The following EPB41L2 variants were observed in gnomAD, a reference collection of about 807,000 sequenced individuals.
EPB41L2 encodes the protein erythrocyte membrane protein band 4.1 like 2.
In EPB41L2, 43 loss-of-function variants were observed where a neutral mutation model predicts 113.0. That is an observed-to-expected ratio of 0.38 (90% CI 0.30 to 0.49). The LOEUF (loss-of-function observed/expected upper bound fraction) is 0.49, where lower values mean the gene tolerates loss of function less well. Among genes scored for constraint, EPB41L2 ranks in the 20% least tolerant of loss-of-function variants. The pLI is 0.95. For synonymous variants in EPB41L2, 442 were observed against 436.7 expected (o/e 1.01, Z -0.15); for missense variants, 1,147 against 1,223.4 (o/e 0.94, Z 0.93).
chr6:130,899,486 A>C lies in EPB41L2; in HGVS notation c.1236+5T>G. The C allele has an allele frequency of 6.2e-7, 1 of 1,612,102 alleles. No homozygotes were observed. Among genetic ancestry groups the C allele is most frequent in the Non-Finnish European group, 8.5e-7 (1 of 1,178,190 alleles). On this transcript the variant is annotated splice_donor_5th_base_variant and intron_variant, in intron 8 of 19. Transcript: ENST00000337057. ...TGATGCTACTCCCCGTTACATTTACAGTACCTTGGCATGATGTAGGTCAAC... is the reference window on the plus strand; with the variant it reads ...TGATGCTACTCCCCGTTACATTTACCGTACCTTGGCATGATGTAGGTCAAC...
chr6:130,976,444 T>G (rs1778227750), intron 1 of EPB41L2, among the ~76,000 whole-genome samples: 1 of 152,168 alleles, frequency 6.6e-6, no homozygotes, highest in South Asian at 2.1e-4. Flanking sequence ...TATGTTCAAT[T>G]ACATTAAAAA....
chr6:130,914,282 T>C (rs1219883491), intron 4 of EPB41L2, among the ~76,000 whole-genome samples: 2 of 152,244 alleles, frequency 1.3e-5, no homozygotes, highest in Non-Finnish European at 2.9e-5. Context: ...TATCATCTTT[T>C]GGTATATATA....
At chr6:130,842,008 T>G (rs1775674542) in intron 19 of EPB41L2, among the ~76,000 whole-genome samples, 1 of 152,224 alleles carries the variant, frequency 6.6e-6, no homozygotes, top group African/African-American at 2.4e-5. Context: ...GTTGGAAGTT[T>G]TGGCAAATGA....
At chr6:130,861,906 A>C in intron 18 of EPB41L2, among the ~76,000 whole-genome samples, 1 of 143,822 alleles carries the variant, frequency 7.0e-6, no homozygotes, top group East Asian at 2.0e-4. Flanking sequence ...GCTATCTCAC[A>C]AACATAAAAA....
intron 1 of EPB41L2, among the ~76,000 whole-genome samples, chr6:131,057,424 G>A (rs1214337189): frequency 6.6e-6 from 1 of 152,076 alleles, no homozygotes; most frequent in East Asian, 1.9e-4. Flanking sequence ...GTAGCTTCTG[G>A]ACAAAAAGAG....
At chr6:130,912,424 C>A (rs9285470) in intron 4 of EPB41L2, among the ~76,000 whole-genome samples, 47 of 152,274 alleles carry the variant, frequency 3.1e-4, no homozygotes, top group Admixed American at 1.6e-3. Context: ...CCGCATGGCC[C>A]CTCGGGTTTC....
chr6:130,893,120 T>C (rs1793512179), intron 10 of EPB41L2, among the ~76,000 whole-genome samples: 1 of 152,216 alleles, frequency 6.6e-6, no homozygotes, highest in Admixed American at 6.5e-5. Context: ...GATGGTTAGA[T>C]GATCAAAGAT....
chr6:130,912,839 C>T (rs1799840287), intron 4 of EPB41L2, among the ~76,000 whole-genome samples: 2 of 152,030 alleles, frequency 1.3e-5, no homozygotes, highest in African/African-American at 4.8e-5. Context: ...GGAATTTTCA[C>T]CCAAGGAACA....
At position 130,955,184 on chromosome 6, in the gene EPB41L2, T is replaced by G. The variant is rs1816984697; in HGVS notation, c.626A>C (p.Gln209Pro). The G allele has an allele frequency of 6.8e-6, 11 of 1,613,972 alleles. No homozygotes were observed. The highest frequency in any genetic ancestry group is 9.3e-6 in the Non-Finnish European group (11 of 1,179,820). Residue 209 changes from glutamine to proline, a missense_variant, in exon 3 of 20, where the codon CAA becomes CCA. By Grantham distance (76) the Gln-to-Pro change is moderately conservative (BLOSUM62 -1). Coordinates refer to ENST00000337057, the MANE Select transcript of EPB41L2 (RefSeq NM_001431.4). ...TNELKAEKAS[Q>P]KVTKKTKTVQ... is the part of the protein sequence containing the mutation. ...AGTTTTGGTCTTCTTGGTGACTTTT[T>G]GAGATGCCTTCTCTGCTTTCAGCTC...
At chr6:130,992,914 G>A (rs11963137) in intron 1 of EPB41L2, among the ~76,000 whole-genome samples, 3,375 of 152,092 alleles carry the variant, frequency 0.022, 122 homozygotes, top group African/African-American at 0.077. Context: ...ATGAGCCACC[G>A]CACCCAGCCC....
At chr6:131,059,098 C>G (rs531844428) in intron 1 of EPB41L2, among the ~76,000 whole-genome samples, 2 of 149,310 alleles carry the variant, frequency 1.3e-5, no homozygotes, top group East Asian at 3.9e-4. Context: ...TTCTTTCCTT[C>G]TTGGCTTACC....
intron 1 of EPB41L2, among the ~76,000 whole-genome samples, chr6:131,017,270 G>A (rs186186713): frequency 6.6e-6 from 1 of 152,274 alleles, no homozygotes; most frequent in African/African-American, 2.4e-5. Context: ...AGTGGTTTCA[G>A]TATCCCAGCA....
rs376078462 is a variant in EPB41L2, at chr6:130,848,199, T to TCTCTCACA, written c.*6-7602_*6-7601insTGTGAGAG. Among the ~76,000 whole-genome samples the TCTCTCACA allele has an allele frequency of 3.5e-3, 396 of 113,470 alleles. 2 individuals carry two copies. Among genetic ancestry groups the TCTCTCACA allele is most frequent in the Non-Finnish European group, 1.5e-3 (86 of 57,286 alleles). 74.4% of individuals were successfully genotyped at this position (113,470 alleles called of 152,430 possible). On this transcript the variant is annotated intron_variant, in intron 19 of 19. Coordinates refer to ENST00000337057, the MANE Select transcript of EPB41L2 (RefSeq NM_001431.4). ...CTCTCTCTGTCTCTCTCTCTCTCTC[T>TCTCTCACA]CACACACACACACACACACACACAC...
At chr6:131,016,609 C>T (rs147844413) in intron 1 of EPB41L2, among the ~76,000 whole-genome samples, 8 of 151,014 alleles carry the variant, frequency 5.3e-5, no homozygotes, top group African/African-American at 1.5e-4. Flanking sequence ...CAGAGAGAAA[C>T]AAGGGGGTCA....
At chr6:130,986,747 G>A (rs144566138) in intron 1 of EPB41L2, among the ~76,000 whole-genome samples, 318 of 151,998 alleles carry the variant, frequency 2.1e-3, no homozygotes, top group Middle Eastern at 0.017. Context: ...CACCACACCC[G>A]GCTCATGTTC....
At chr6:130,868,712 G>T (rs568232981) in intron 15 of EPB41L2, 25 of 152,250 alleles carry the variant, frequency 1.6e-4, no homozygotes, top group African/African-American at 5.8e-4. Flanking sequence ...TTAAAATCAA[G>T]AAATATTCCC....
chr6:130,924,126 T>G (rs1490144094), intron 4 of EPB41L2, among the ~76,000 whole-genome samples: 3 of 152,232 alleles, frequency 2.0e-5, no homozygotes, highest in African/African-American at 7.2e-5. Context: ...TCCTCTAGGT[T>G]AATCCATGAT....
At chr6:131,055,852 A>ATT (rs921977195) in intron 1 of EPB41L2, among the ~76,000 whole-genome samples, 1 of 150,092 alleles carries the variant, frequency 6.7e-6, no homozygotes, top group African/African-American at 2.4e-5. Context: ...TAGCTTCCTT[A>ATT]TTTTTTTTTT....
intron 1 of EPB41L2, among the ~76,000 whole-genome samples, chr6:131,021,956 T>C (rs1442075084): frequency 6.6e-6 from 1 of 152,096 alleles, no homozygotes; most frequent in African/African-American, 2.4e-5. Context: ...GGCCGGGGGA[T>C]GGTTTTGGGA....
Sources: allele counts gnomAD v4.1 joint callset (sites outside exome capture counted in the v4.1 genomes callset), GRCh38; gene constraint gnomAD v4.1.1; transcripts MANE v1.5; gene names NCBI Gene and HGNC (gene_info 2026-07-23, HGNC 2026-07-21).